The following DLG2 variants were observed in gnomAD, a reference collection of about 807,000 sequenced individuals.
The protein encoded by DLG2 is discs large MAGUK scaffold protein 2.
In DLG2, 45 loss-of-function variants were observed where a neutral mutation model predicts 132.5. The observed-to-expected ratio is 0.34, with a 90% CI of 0.27 to 0.44. The LOEUF is 0.44. DLG2 is among the 20% of genes least tolerant of loss of function. The pLI is 1.00. For synonymous variants in DLG2, 424 were observed against 419.6 expected, an observed-to-expected ratio of 1.01 and a Z score of -0.13; for missense variants, 1,045 against 1,196.9, an observed-to-expected ratio of 0.87 and a Z score of 1.87.
At chr11:84,457,343 C>T (rs1029701041) in intron 7 of DLG2, among the ~76,000 whole-genome samples, 3 of 150,548 alleles carry the variant, frequency 2.0e-5, no homozygotes, top group African/African-American at 7.3e-5. Context: ...GGATATACTA[C>T]AAAATAAAAC....
intron 19 of DLG2, among the ~76,000 whole-genome samples, chr11:83,545,860 C>T (rs1205932279): frequency 2.0e-5 from 3 of 152,138 alleles, no homozygotes; most frequent in Non-Finnish European, 2.9e-5. Context: ...CTTCTGGCTC[C>T]TTTGGATATT....
At chr11:85,370,800 T>G (rs549626561) in intron 3 of DLG2, among the ~76,000 whole-genome samples, 1 of 152,176 alleles carries the variant, frequency 6.6e-6, no homozygotes, top group Non-Finnish European at 1.5e-5. Context: ...TTATTTGACA[T>G]GTTTAGGTAG....
intron 6 of DLG2, among the ~76,000 whole-genome samples, chr11:84,900,143 T>C (rs748183668): frequency 1.9e-4 from 29 of 152,102 alleles, no homozygotes; most frequent in Non-Finnish European, 5.9e-5. Flanking sequence ...ATTAATGATT[T>C]GAATATTTTG....
chr11:83,914,410 T>A (rs1166219679), intron 15 of DLG2, among the ~76,000 whole-genome samples: 3 of 152,150 alleles, frequency 2.0e-5, no homozygotes, highest in African/African-American at 7.2e-5. Flanking sequence ...GCTACAGGTG[T>A]TCCTTTATAG....
chr11:85,201,509 A>G (rs551397590), intron 4 of DLG2, among the ~76,000 whole-genome samples: 2 of 152,220 alleles, frequency 1.3e-5, no homozygotes, highest in East Asian at 1.9e-4. Context: ...TGAATCTCAA[A>G]GCCCACGCAA....
chr11:85,082,478 G>A (rs1204980976), intron 6 of DLG2, among the ~76,000 whole-genome samples: 1 of 151,968 alleles, frequency 6.6e-6, no homozygotes, highest in Non-Finnish European at 1.5e-5. Flanking sequence ...CTTTAGACGT[G>A]AGAAGAATCT....
intron 4 of DLG2, among the ~76,000 whole-genome samples, chr11:85,278,177 CTA>C (rs1393391628): frequency 1.3e-5 from 2 of 152,204 alleles, no homozygotes; most frequent in African/African-American, 4.8e-5. Context: ...TTAATCCCCA[CTA>C]TAGCACAATT....
chr11:85,511,809 C>G (rs905832871), intron 3 of DLG2, among the ~76,000 whole-genome samples: 1 of 151,230 alleles, frequency 6.6e-6, no homozygotes, highest in Admixed American at 6.6e-5. Context: ...GCCTCAAACT[C>G]CTGGGCTTAA....
At chr11:84,212,313 T>C (rs1237099340) in intron 8 of DLG2, among the ~76,000 whole-genome samples, 3 of 152,174 alleles carry the variant, frequency 2.0e-5, no homozygotes, top group Admixed American at 2.0e-4. Context: ...AGAAGGTATG[T>C]TTGCAGGGCT....
chr11:84,583,983 T>A (rs778219176), intron 6 of DLG2, among the ~76,000 whole-genome samples: 1 of 152,182 alleles, frequency 6.6e-6, no homozygotes, highest in African/African-American at 2.4e-5. Flanking sequence ...TGTGCTCACA[T>A]CATGTTTTAC....
intron 19 of DLG2, among the ~76,000 whole-genome samples, chr11:83,585,456 T>G (rs1593805338): frequency 6.6e-6 from 1 of 152,274 alleles, no homozygotes; most frequent in Admixed American, 6.5e-5. Context: ...TCTGAGATTT[T>G]CCCCCTACAC....
At chr11:84,714,615 C>CTTTTT (rs1565750340) in intron 6 of DLG2, among the ~76,000 whole-genome samples, 1 of 108,824 alleles carries the variant, frequency 9.2e-6, no homozygotes, top group African/African-American at 3.9e-5. Context: ...TTCTCTTTCT[C>CTTTTT]TTTCTCTTTC....
At chr11:83,586,526 G>A (rs182433679) in intron 19 of DLG2, among the ~76,000 whole-genome samples, 1 of 152,252 alleles carries the variant, frequency 6.6e-6, no homozygotes, top group East Asian at 1.9e-4. Context: ...CAGCGTATTA[G>A]GTTCTTTAAA....
At chr11:85,431,151 T>C (rs2091155798) in intron 3 of DLG2, among the ~76,000 whole-genome samples, 1 of 152,174 alleles carries the variant, frequency 6.6e-6, no homozygotes, top group Non-Finnish European at 1.5e-5. Flanking sequence ...ATATCCACTT[T>C]CAGATCCTGC....
At chr11:84,721,914 G>A (rs114786488) in intron 6 of DLG2, among the ~76,000 whole-genome samples, 16 of 152,312 alleles carry the variant, frequency 1.1e-4, no homozygotes, top group African/African-American at 3.8e-4. Flanking sequence ...CCAGTACATG[G>A]TAGCTGCTCT....
rs1351500090 is a variant in DLG2, at chr11:83,462,328, A to G, written c.2730-235T>C. Reference sequence around the variant, plus strand: ...TGGTCCCACATTGGATTGAAGCCAAATATGTCTCCTTATGATTTGTAGTCA... The same window carrying G: ...TGGTCCCACATTGGATTGAAGCCAAGTATGTCTCCTTATGATTTGTAGTCA... On this transcript the variant is annotated intron_variant, in intron 26 of 27. Transcript: ENST00000376104. Among the ~76,000 whole-genome samples, 26 of 149,272 alleles carry G rather than the reference A, an allele frequency of 1.7e-4. No individual in the cohort carries two copies. In the Admixed American group the frequency reaches 1.8e-3, roughly 11 times the overall value.
At position 84,551,766 on chromosome 11, in the gene DLG2, T is replaced by C. The variant is rs192220765; in HGVS notation, c.358-17035A>G. ...AGATGTTTCTTCTGAGTATGGTAGA[T>C]ACTTTGGTCCTTTGGTTTAAAAGCT... On this transcript the variant is annotated intron_variant, in intron 6 of 27. Transcript: ENST00000376104. Among the ~76,000 whole-genome samples the C allele has an allele frequency of 4.6e-5, 7 of 152,326 alleles. No homozygotes were observed. In the East Asian group the frequency reaches 9.6e-4, roughly 21 times the overall value.
At chr11:85,525,115 A>C (rs1156930099) in intron 3 of DLG2, 1 of 152,222 alleles carries the variant, frequency 6.6e-6, no homozygotes, top group South Asian at 2.1e-4. Flanking sequence ...ACACTATATA[A>C]ATTTTACCTA....
intron 19 of DLG2, among the ~76,000 whole-genome samples, chr11:83,575,331 G>GA: frequency 6.6e-6 from 1 of 152,128 alleles, no homozygotes; most frequent in Non-Finnish European, 1.5e-5. Flanking sequence ...AGAGTCTCGA[G>GA]GCCATCAAGC....
Sources: allele counts gnomAD v4.1 joint callset (sites outside exome capture counted in the v4.1 genomes callset), GRCh38; gene constraint gnomAD v4.1.1; transcripts MANE v1.5; gene names NCBI Gene and HGNC (gene_info 2026-07-23, HGNC 2026-07-21).